FSTL5: variants seen among roughly 807,000 people sequenced by gnomAD.
The protein encoded by FSTL5 is follistatin like 5.
A neutral mutation model predicts 89.1 loss-of-function variants in FSTL5; 62 were observed. That is an observed-to-expected ratio of 0.70 (90% CI 0.57 to 0.86). FSTL5 has a LOEUF of 0.86. Ranked by LOEUF, FSTL5 falls within the 40% of genes least tolerant of loss-of-function variation. The pLI is 0.00. For synonymous variants in FSTL5, 383 were observed against 346.2 expected (o/e 1.11, Z -1.18); for missense variants, 1,057 against 1,001.6 (o/e 1.06, Z -0.75).
chr4:161,646,421 T>C (rs1736156587), intron 7 of FSTL5, among the ~76,000 whole-genome samples: 1 of 151,614 alleles, frequency 6.6e-6, no homozygotes, highest in Non-Finnish European at 1.5e-5. Flanking sequence ...AATCTAGATA[T>C]GATTTGAGTA....
chr4:161,691,563 T>A (rs934955550), intron 6 of FSTL5, among the ~76,000 whole-genome samples: 3 of 152,116 alleles, frequency 2.0e-5, no homozygotes, highest in African/African-American at 7.2e-5. Flanking sequence ...AAAAGGACAT[T>A]GAGATTTTGA....
chr4:162,112,430 G>A (rs1366987267), intron 1 of FSTL5, among the ~76,000 whole-genome samples: 5 of 152,058 alleles, frequency 3.3e-5, no homozygotes. Flanking sequence ...TTACTTTTCA[G>A]AGACAGGTTC....
At chr4:161,981,174 G>A (rs1735818135) in intron 3 of FSTL5, among the ~76,000 whole-genome samples, 1 of 152,100 alleles carries the variant, frequency 6.6e-6, no homozygotes, top group South Asian at 2.1e-4. Flanking sequence ...AGTCAGTACA[G>A]GAAAAGATTT....
intron 1 of FSTL5, among the ~76,000 whole-genome samples, chr4:162,113,187 C>G (rs1334981050): frequency 6.6e-6 from 1 of 152,130 alleles, no homozygotes; most frequent in Admixed American, 6.5e-5. Context: ...TCAAAAACAG[C>G]CCTCGTAGTA....
chr4:161,858,404 ATACT>A (rs1044239009), intron 4 of FSTL5, among the ~76,000 whole-genome samples: 23 of 152,272 alleles, frequency 1.5e-4, no homozygotes, highest in Admixed American at 9.8e-4. Flanking sequence ...CATGAAAGGT[ATACT>A]TAGAGAGCCC....
chr4:161,452,823 T>C (rs1286673571), intron 15 of FSTL5, among the ~76,000 whole-genome samples: 1 of 152,224 alleles, frequency 6.6e-6, no homozygotes, highest in Non-Finnish European at 1.5e-5. Context: ...TGCATTTCAC[T>C]GCACATTCCT....
At chr4:161,947,476 G>A (rs769864389) in intron 3 of FSTL5, among the ~76,000 whole-genome samples, 5 of 151,978 alleles carry the variant, frequency 3.3e-5, no homozygotes, top group Non-Finnish European at 7.4e-5. Context: ...ATCTTCCCCA[G>A]ACATATGTGT....
At chr4:162,153,797 G>GTA (rs201313114) in intron 1 of FSTL5, among the ~76,000 whole-genome samples, 23,552 of 128,476 alleles carry the variant, frequency 0.18, 2,293 homozygotes, top group Non-Finnish European at 0.22. Flanking sequence ...ATATGTATAT[G>GTA]TATATATATA....
chr4:161,799,232 A>G (rs1027996323), intron 4 of FSTL5, among the ~76,000 whole-genome samples: 1 of 151,620 alleles, frequency 6.6e-6, no homozygotes, highest in African/African-American at 2.4e-5. Flanking sequence ...AGTTTATAGC[A>G]CATAGCTAGT....
At chr4:161,534,921 C>G (rs544056086) in intron 10 of FSTL5, among the ~76,000 whole-genome samples, 7 of 152,102 alleles carry the variant, frequency 4.6e-5, no homozygotes, top group African/African-American at 1.7e-4. Flanking sequence ...TAAACTCATA[C>G]ACTTACAACC....
At chr4:162,018,486 A>G (rs1430507984) in intron 3 of FSTL5, among the ~76,000 whole-genome samples, 1 of 152,098 alleles carries the variant, frequency 6.6e-6, no homozygotes, top group East Asian at 1.9e-4. Context: ...TTTGCAGCAT[A>G]TTGTGTAAGA....
chr4:161,888,919 T>C (rs1732900732), intron 4 of FSTL5, among the ~76,000 whole-genome samples: 1 of 152,132 alleles, frequency 6.6e-6, no homozygotes, highest in Non-Finnish European at 1.5e-5. Flanking sequence ...ACAACATATA[T>C]TTTTATTTTT....
At chr4:161,680,575 G>T (rs185528850) in intron 6 of FSTL5, among the ~76,000 whole-genome samples, 1 of 151,226 alleles carries the variant, frequency 6.6e-6, no homozygotes, top group East Asian at 1.9e-4. Context: ...CAAGAATGTG[G>T]TATACACATT....
intron 4 of FSTL5, among the ~76,000 whole-genome samples, chr4:161,846,078 T>C (rs537179327): frequency 6.6e-6 from 1 of 151,502 alleles, no homozygotes; most frequent in South Asian, 2.1e-4. Context: ...GAATTGTGTG[T>C]GTATTTGTGT....
chr4:161,834,567 C>A (rs1369754222), intron 4 of FSTL5, among the ~76,000 whole-genome samples: 1 of 152,190 alleles, frequency 6.6e-6, no homozygotes, highest in South Asian at 2.1e-4. Flanking sequence ...TGTCTTAGCC[C>A]AAAATCTCCT....
chr4:161,489,726 A>G (rs2126467506), intron 12 of FSTL5, among the ~76,000 whole-genome samples: 1 of 152,256 alleles, frequency 6.6e-6, no homozygotes, highest in Non-Finnish European at 1.5e-5. Context: ...CTGACCCCCA[A>G]CTATTGATTA....
intron 4 of FSTL5, among the ~76,000 whole-genome samples, chr4:161,806,636 C>A (rs1054000178): frequency 2.0e-5 from 3 of 151,982 alleles, no homozygotes; most frequent in African/African-American, 7.2e-5. Flanking sequence ...CAGTAGAAAA[C>A]AAGATAGTGG....
intron 6 of FSTL5, among the ~76,000 whole-genome samples, chr4:161,746,730 A>C (rs2126777321): frequency 6.6e-6 from 1 of 152,172 alleles, no homozygotes; most frequent in South Asian, 2.1e-4. Context: ...TCCCTGTGTC[A>C]CTTTTGGTGT....
chr4:161,997,774 T>C (rs1359292109), intron 3 of FSTL5, among the ~76,000 whole-genome samples: 1 of 133,540 alleles, frequency 7.5e-6, no homozygotes, highest in Non-Finnish European at 1.6e-5. Context: ...CCGGCTAATT[T>C]TTCGTATTTT....
Sources: gnomAD v4.1 joint callset for allele counts (sites outside exome capture counted in the v4.1 genomes callset) on GRCh38, gnomAD v4.1.1 for gene constraint, MANE v1.5 for transcripts, NCBI Gene and HGNC (gene_info 2026-07-23, HGNC 2026-07-21) for gene names.